RIN2: variants seen among roughly 807,000 people sequenced by gnomAD.
The protein encoded by RIN2 is Ras and Rab interactor 2.
RIN2 carries 36 observed loss-of-function variants against 78.0 expected under a neutral mutation model. That is an observed-to-expected ratio of 0.46 (90% CI 0.35 to 0.61). The LOEUF (loss-of-function observed/expected upper bound fraction) is 0.61, where lower values mean the gene tolerates loss of function less well. RIN2 is among the 20% of genes least tolerant of loss of function. The pLI is 0.00. For synonymous variants in RIN2, 466 were observed against 466.8 expected, an observed-to-expected ratio of 1.00 and a Z score of 0.02; for missense variants, 1,087 against 1,159.7, an observed-to-expected ratio of 0.94 and a Z score of 0.91.
Position 19,953,409 on chromosome 20 carries a change from C to T in RIN2, c.159-3206C>T, listed in dbSNP as rs188757051. Among the ~76,000 whole-genome samples the T allele has an allele frequency of 3.9e-5, 6 of 152,072 alleles. No individual in the cohort carries two copies. In the East Asian group the frequency reaches 9.7e-4, roughly 25 times the overall value. ...AGCATCCCAAAGTGTGCTGGGATTA[C>T]AGGCGTGAGCCACTGCACCTGGCTT... is the stretch of plus-strand genomic sequence containing the variant. On this transcript the variant is annotated intron_variant, in intron 4 of 12. Coordinates refer to ENST00000255006, the MANE Select transcript of RIN2 (RefSeq NM_018993.4).
At chr20:19,876,581 T>C (rs570501630) in intron 2 of RIN2, among the ~76,000 whole-genome samples, 10 of 46,968 alleles carry the variant, frequency 2.1e-4, no homozygotes, top group African/African-American at 7.0e-4. Flanking sequence ...GAAATGGGGA[T>C]ATGTGAGTAA....
At chr20:19,907,422 TACCAGACAGAGCCC>T (rs2039267688) in intron 3 of RIN2, among the ~76,000 whole-genome samples, 1 of 152,202 alleles carries the variant, frequency 6.6e-6, no homozygotes, top group South Asian at 2.1e-4. Flanking sequence ...CTGGCCTGTG[TACCAGACAGAGCCC>T]TGGCTCCCAG....
chr20:19,930,548 G>A (rs914334562), intron 3 of RIN2, among the ~76,000 whole-genome samples: 1 of 152,220 alleles, frequency 6.6e-6, no homozygotes, highest in Admixed American at 6.5e-5. Context: ...TAACCAAAGT[G>A]TGGAGAGGGA....
intron 1 of RIN2, among the ~76,000 whole-genome samples, chr20:19,758,697 G>T (rs952593964): frequency 6.6e-6 from 1 of 152,210 alleles, no homozygotes; most frequent in Non-Finnish European, 1.5e-5. Context: ...GTGTGCGTGC[G>T]TGTGCACCGG....
intron 9 of RIN2, among the ~76,000 whole-genome samples, chr20:19,986,537 C>T (rs1324420639): frequency 6.6e-6 from 1 of 152,194 alleles, no homozygotes; most frequent in Non-Finnish European, 1.5e-5. Context: ...CCCTTTTATA[C>T]CCAAGGGTGG....
intron 2 of RIN2, among the ~76,000 whole-genome samples, chr20:19,865,723 G>A (rs1039368292): frequency 1.4e-4 from 22 of 151,800 alleles, no homozygotes; most frequent in African/African-American, 5.3e-4. Flanking sequence ...TCAAACTCCT[G>A]ACCTTAAGCA....
chr20:19,888,895 C>T (rs996880220), intron 2 of RIN2, among the ~76,000 whole-genome samples: 4 of 152,232 alleles, frequency 2.6e-5, no homozygotes, highest in African/African-American at 9.6e-5. Flanking sequence ...CAAAAAGCTA[C>T]AGTTAGAATT....
Position 19,970,944 on chromosome 20 carries a change from C to G in RIN2, c.628+15C>G. The G allele has an allele frequency of 6.3e-7, 1 of 1,591,818 alleles. No homozygotes were observed. Among genetic ancestry groups the G allele is most frequent in the Non-Finnish European group, 8.6e-7 (1 of 1,163,180 alleles). On this transcript the variant is annotated intron_variant, in intron 8 of 12. Coordinates refer to ENST00000255006, the MANE Select transcript of RIN2 (RefSeq NM_018993.4). ...GATGGGACTAAGTAAGTGTGTGCCC[C>G]CTGCCTGAGTCTATCTAAAAATGAA... is the stretch of plus-strand genomic sequence containing the variant.
intron 2 of RIN2, among the ~76,000 whole-genome samples, chr20:19,859,021 A>C (rs1359133157): frequency 6.6e-6 from 1 of 152,250 alleles, no homozygotes; most frequent in Non-Finnish European, 1.5e-5. Context: ...CTGGGCTCAG[A>C]AGATGGACTC....
At chr20:19,877,656 T>G (rs1430904715) in intron 2 of RIN2, among the ~76,000 whole-genome samples, 2 of 152,138 alleles carry the variant, frequency 1.3e-5, no homozygotes, top group African/African-American at 4.8e-5. Context: ...AGGATGTAAC[T>G]AGGCCCACAC....
chr20:19,798,516 T>C (rs1026010729), intron 1 of RIN2, among the ~76,000 whole-genome samples: 1 of 151,948 alleles, frequency 6.6e-6, no homozygotes. Flanking sequence ...AAGAATGAGA[T>C]AACCTTCTTA....
At chr20:19,867,621 A>G (rs1339025951) in intron 2 of RIN2, among the ~76,000 whole-genome samples, 1 of 152,168 alleles carries the variant, frequency 6.6e-6, no homozygotes, top group Non-Finnish European at 1.5e-5. Context: ...TCCTCACAGT[A>G]GATTCATGTT....
At chr20:19,940,002 G>A (rs548705056) in intron 4 of RIN2, among the ~76,000 whole-genome samples, 31 of 152,076 alleles carry the variant, frequency 2.0e-4, no homozygotes, top group Non-Finnish European at 3.5e-4. Flanking sequence ...TTACAGGCAC[G>A]CGCCACCACC....
intron 3 of RIN2, among the ~76,000 whole-genome samples, chr20:19,908,636 C>T (rs370830535): frequency 1.3e-5 from 2 of 152,260 alleles, no homozygotes; most frequent in East Asian, 3.9e-4. Flanking sequence ...TCAAGTAACC[C>T]CAAAACATCA....
At chr20:19,880,134 A>C (rs1233975484) in intron 2 of RIN2, among the ~76,000 whole-genome samples, 1 of 151,888 alleles carries the variant, frequency 6.6e-6, no homozygotes, top group Non-Finnish European at 1.5e-5. Flanking sequence ...CTGTGATCTC[A>C]GCTACTCAGG....
At chr20:19,829,026 C>T (rs1445896684) in intron 2 of RIN2, among the ~76,000 whole-genome samples, 1 of 152,156 alleles carries the variant, frequency 6.6e-6, no homozygotes, top group East Asian at 1.9e-4. Context: ...ATTTGTGCCT[C>T]AGCAAACATG....
chr20:19,874,086 T>TGTGTGTG (rs55827998), intron 2 of RIN2, among the ~76,000 whole-genome samples: 71 of 145,768 alleles, frequency 4.9e-4, no homozygotes, highest in South Asian at 2.4e-3. Context: ...GTGTGTGTGT[T>TGTGTGTG]TGTGTGTGTT....
intron 3 of RIN2, among the ~76,000 whole-genome samples, chr20:19,927,899 T>C (rs754012015): frequency 6.6e-6 from 1 of 151,230 alleles, no homozygotes; most frequent in Non-Finnish European, 1.5e-5. Flanking sequence ...AGGTGCCTAT[T>C]GAAGTGTTTT....
chr20:19,863,505 C>A (rs1022495342), intron 2 of RIN2, among the ~76,000 whole-genome samples: 3 of 152,182 alleles, frequency 2.0e-5, no homozygotes, highest in Non-Finnish European at 4.4e-5. Context: ...AGCTCCCTCA[C>A]CCCCTTCAGA....
Sources: gnomAD v4.1 joint callset for allele counts (sites outside exome capture counted in the v4.1 genomes callset) on GRCh38, gnomAD v4.1.1 for gene constraint, MANE v1.5 for transcripts, NCBI Gene and HGNC (gene_info 2026-07-23, HGNC 2026-07-21) for gene names.